STAT4: variants seen among roughly 807,000 people sequenced by gnomAD.
STAT4 encodes the protein signal transducer and activator of transcription 4.
Under a neutral mutation model 110.5 loss-of-function variants are expected in STAT4, and 42 were observed. That is an observed-to-expected ratio of 0.38 (90% CI 0.30 to 0.49). The LOEUF (loss-of-function observed/expected upper bound fraction) is 0.49. STAT4 is among the 20% of genes least tolerant of loss of function. The pLI, the probability that STAT4 is intolerant of heterozygous loss-of-function variation, is 0.95. For missense variants in STAT4, 632 were observed against 887.9 expected (o/e 0.71, Z 3.66); for synonymous variants, 284 against 302.2 (o/e 0.94, Z 0.63).
At chr2:191,074,919 G>C (rs768610163) in intron 4 of STAT4, among the ~76,000 whole-genome samples, 4 of 152,160 alleles carry the variant, frequency 2.6e-5, no homozygotes, top group African/African-American at 9.7e-5. Flanking sequence ...CCAGCACTTT[G>C]GGAGGTCAAG....
chr2:191,136,867 G>C (rs187950641), intron 3 of STAT4, among the ~76,000 whole-genome samples: 1 of 151,970 alleles, frequency 6.6e-6, no homozygotes, highest in East Asian at 1.9e-4. Flanking sequence ...AAAGTTGCAG[G>C]ATACAAAATT....
intron 3 of STAT4, among the ~76,000 whole-genome samples, chr2:191,105,966 C>G (rs1346784853): frequency 6.6e-6 from 1 of 152,114 alleles, no homozygotes; most frequent in East Asian, 1.9e-4. Context: ...ATTGTGGGTG[C>G]CTCACTGGGA....
At chr2:191,092,684 T>C (rs1021837454) in intron 3 of STAT4, among the ~76,000 whole-genome samples, 8 of 152,234 alleles carry the variant, frequency 5.3e-5, no homozygotes, top group Admixed American at 2.0e-4. Flanking sequence ...GTTCATCTCA[T>C]TGGGACTGGT....
chr2:191,146,608 C>G lies in STAT4; in HGVS notation c.273+5G>C. On this transcript the variant is annotated splice_donor_5th_base_variant and intron_variant, in intron 3 of 23. Transcript: ENST00000392320. This position sits in a 1 kb window ranked among gnomAD's most constrained non-coding sequence, Gnocchi z 4.5. Reference sequence around the variant, plus strand: ...ATATTTTGGAAAAGTAGAATGCATTCTTACCTGAAGGACCTTCCTAATTCT... The same window carrying G: ...ATATTTTGGAAAAGTAGAATGCATTGTTACCTGAAGGACCTTCCTAATTCT... 6.6e-7 allele frequency: 1 copy of G among 1,512,176 alleles called. No homozygotes were observed. Among genetic ancestry groups the G allele is most frequent in the Non-Finnish European group, 8.8e-7 (1 of 1,131,886 alleles). 93.7% of individuals were successfully genotyped at this position (1,512,176 alleles called of 1,614,324 possible).
In STAT4 at chr2:191,029,943, C is replaced by T. The variant is rs775103783; in HGVS notation, c.2221-77G>A. ...AATCACTATTTCTTGGGCAAATAAA[C>T]GTCCTCTTTTCTACGAATTACTCCA... On this transcript the variant is annotated intron_variant, in intron 23 of 23. Transcript: ENST00000392320. The surrounding 1 kb of genome is among the most constrained non-coding windows in gnomAD (Gnocchi z 4.5). The T allele has an allele frequency of 1.2e-5, 14 of 1,146,810 alleles. No homozygotes were observed. Among genetic ancestry groups the T allele is most frequent in the Admixed American group, 6.5e-5 (3 of 46,358 alleles). 71.0% of individuals were successfully genotyped at this position (1,146,810 alleles called of 1,614,324 possible). A position where few individuals can be genotyped will look rare whatever the true frequency, so the allele number is the denominator to read the frequency against.
At chr2:191,089,272 A>T (rs12612769) in intron 3 of STAT4, among the ~76,000 whole-genome samples, 9 of 152,094 alleles carry the variant, frequency 5.9e-5, no homozygotes, top group Admixed American at 3.9e-4. Context: ...TCACCAAAGA[A>T]GATATATAGA....
Position 191,082,489 on chromosome 2 carries a change from C to T in STAT4, c.274-6164G>A, listed in dbSNP as rs886200504. On this transcript the variant is annotated intron_variant, in intron 3 of 23. Transcript: ENST00000392320. The surrounding 1 kb of genome is among the most constrained non-coding windows in gnomAD (Gnocchi z 4.7). ...AGTTTCACATCACAGGCAATGACAA[C>T]GATGTTGTGATTGCCACATGGCAAC... Among the ~76,000 whole-genome samples the T allele has an allele frequency of 1.5e-4, 23 of 152,270 alleles. No homozygotes were observed. Among genetic ancestry groups the T allele is most frequent in the Admixed American group, 1.1e-3 (17 of 15,290 alleles).
In STAT4 at chr2:191,140,126, C is replaced by T. The variant is rs1040267680; in HGVS notation, c.273+6487G>A. Reference sequence around the variant, plus strand: ...TGGATCAAAGATTTAAATCTAAGACCTGAAGCCATAAAAATTCTAGAACAT... The same window carrying T: ...TGGATCAAAGATTTAAATCTAAGACTTGAAGCCATAAAAATTCTAGAACAT... On this transcript the variant is annotated intron_variant, in intron 3 of 23. Coordinates refer to ENST00000392320, the MANE Select transcript of STAT4 (RefSeq NM_003151.4). The surrounding 1 kb of genome is among the most constrained non-coding windows in gnomAD (Gnocchi z 4.4). Among the ~76,000 whole-genome samples the T allele has an allele frequency of 6.6e-6, 1 of 152,152 alleles. No homozygotes were observed. Among genetic ancestry groups the T allele is most frequent in the Non-Finnish European group, 1.5e-5 (1 of 68,026 alleles).
rs1696760664 is a variant in STAT4 at position 191,058,340 on chromosome 2, C to G, written c.1095-121G>C. On this transcript the variant is annotated intron_variant, in intron 11 of 23. Transcript: ENST00000392320. The surrounding 1 kb of genome is among the most constrained non-coding windows in gnomAD (Gnocchi z 4.3). ...TGAGACAGAGTCTCGCTCTGTCGTC[C>G]AGGCTGGAGTGCAGTGGTGCAATCT... 1 of 1,012,182 alleles carries G rather than the reference C, an allele frequency of 9.9e-7. No individual in the cohort carries two copies. The highest frequency in any genetic ancestry group is 2.7e-5 in the Admixed American group (1 of 37,672). 62.7% of individuals were successfully genotyped at this position (1,012,182 alleles called of 1,614,324 possible).
In STAT4 at chr2:191,146,559, T is replaced by A; in HGVS notation, c.273+54A>T. On this transcript the variant is annotated intron_variant, in intron 3 of 23. Coordinates refer to ENST00000392320, the MANE Select transcript of STAT4 (RefSeq NM_003151.4). This position sits in a 1 kb window ranked among gnomAD's most constrained non-coding sequence, Gnocchi z 4.5. ...TAAGGGTACATATTTAATTTTTAAC[T>A]AAATTTAAGACTCATATATCCAAAT... 3.0e-6 allele frequency: 4 copies of A among 1,344,420 alleles called. No individual in the cohort carries two copies. Among genetic ancestry groups the A allele is most frequent in the Non-Finnish European group, 3.9e-6 (4 of 1,032,802 alleles). The allele number at this position is 1,344,420 out of a possible 1,614,324, so 83.3% of individuals were successfully genotyped here. A position where few individuals can be genotyped will look rare whatever the true frequency, so the allele number is the denominator to read the frequency against.
Position 191,142,458 on chromosome 2 carries a change from G to C in STAT4, c.273+4155C>G, listed in dbSNP as rs1302092096. ...AATATAGATACCAGAGGCTGGGAAG[G>C]GTGGGTGGATGGAGGGAAATGAAAA... On this transcript the variant is annotated intron_variant, in intron 3 of 23. Coordinates refer to ENST00000392320, the MANE Select transcript of STAT4 (RefSeq NM_003151.4). The surrounding 1 kb of genome is among the most constrained non-coding windows in gnomAD (Gnocchi z 4.1). Among the ~76,000 whole-genome samples the C allele has an allele frequency of 1.3e-5, 2 of 152,108 alleles. No individual in the cohort carries two copies. Among genetic ancestry groups the C allele is most frequent in the African/African-American group, 4.8e-5 (2 of 41,412 alleles).
chr2:191,127,534 G>A (rs2125406894), intron 3 of STAT4, among the ~76,000 whole-genome samples: 1 of 152,272 alleles, frequency 6.6e-6, no homozygotes, highest in African/African-American at 2.4e-5. Context: ...ATTCTAGGTA[G>A]CAAACTCTTT....
In STAT4 at chr2:191,032,939, A is replaced by C; in HGVS notation, c.2044+19T>G. On this transcript the variant is annotated intron_variant, in intron 21 of 23. Transcript: ENST00000392320. The surrounding 1 kb of genome is among the most constrained non-coding windows in gnomAD (Gnocchi z 4.9). Reference sequence around the variant, plus strand: ...AAATCTTAAGGAAAAAAAAACAAAAACAAACAGAAAAACCTAACCTTCGCA... The same window carrying C: ...AAATCTTAAGGAAAAAAAAACAAAACCAAACAGAAAAACCTAACCTTCGCA... 1.3e-6 allele frequency: 2 copies of C among 1,575,706 alleles called. No homozygotes were observed. Among genetic ancestry groups the C allele is most frequent in the Non-Finnish European group, 1.7e-6 (2 of 1,166,706 alleles).
Position 191,109,477 on chromosome 2 carries a change from C to G in STAT4, c.274-33152G>C, listed in dbSNP as rs150228681. 3.3e-5 allele frequency among the ~76,000 whole-genome samples: 5 copies of G among 152,194 alleles called. No individual in the cohort carries two copies. In the East Asian group the frequency reaches 9.7e-4, roughly 29 times the overall value. ...TTCCCACTCTTATCTCATGTAGTCT[C>G]CCTTCAAATAATTCAGAAACATAGA... On this transcript the variant is annotated intron_variant, in intron 3 of 23. Coordinates refer to ENST00000392320, the MANE Select transcript of STAT4 (RefSeq NM_003151.4).
chr2:191,033,816 T>C lies in STAT4; in HGVS notation c.1715+95A>G. The C allele has an allele frequency of 2.2e-6, 3 of 1,359,530 alleles. No individual in the cohort carries two copies. The highest frequency in any genetic ancestry group is 3.0e-6 in the Non-Finnish European group (3 of 990,164). The allele number at this position is 1,359,530 out of a possible 1,614,324, so 84.2% of individuals were successfully genotyped here. Reference sequence around the variant, plus strand: ...TTGCAACTATTTTTTTCTGTGGTACTAAACATGCTTAAGAGAAAAAGAAAG... The same window carrying C: ...TTGCAACTATTTTTTTCTGTGGTACCAAACATGCTTAAGAGAAAAAGAAAG... On this transcript the variant is annotated intron_variant, in intron 19 of 23. Coordinates refer to ENST00000392320, the MANE Select transcript of STAT4 (RefSeq NM_003151.4). This position sits in a 1 kb window ranked among gnomAD's most constrained non-coding sequence, Gnocchi z 6.9.
chr2:191,149,021 A>C (rs1411396313), intron 1 of STAT4, among the ~76,000 whole-genome samples: 1 of 151,958 alleles, frequency 6.6e-6, no homozygotes, highest in Non-Finnish European at 1.5e-5. Flanking sequence ...TTGTAACCCC[A>C]CTCTGGCCAA....
chr2:191,030,420 T>C lies in STAT4; in HGVS notation c.2220+552A>G, dbSNP rs1359410601. On this transcript the variant is annotated intron_variant, in intron 23 of 23. Transcript: ENST00000392320. This position sits in a 1 kb window ranked among gnomAD's most constrained non-coding sequence, Gnocchi z 4.4. ...AATAACATTATTGCATTAAAGATTA[T>C]GACTCATTTCTCAAAAAGGAGAGCA... is the stretch of plus-strand genomic sequence containing the variant. 6.6e-6 allele frequency among the ~76,000 whole-genome samples: 1 copy of C among 152,232 alleles called. No individual in the cohort carries two copies. The highest frequency in any genetic ancestry group is 1.5e-5 in the Non-Finnish European group (1 of 68,052).
At chr2:191,148,423 ACTC>A (rs1404768727) in intron 1 of STAT4, among the ~76,000 whole-genome samples, 9 of 151,752 alleles carry the variant, frequency 5.9e-5, no homozygotes, top group African/African-American at 1.9e-4. Context: ...TCTAAAATGA[ACTC>A]CTGTTCTACC....
chr2:191,034,642 T>C (rs368894302), intron 17 of STAT4, 45 bp from the exon 18 acceptor site: 6 of 1,394,088 alleles, frequency 4.3e-6, no homozygotes, highest in South Asian at 2.3e-5. Flanking sequence ...GACAATGAGA[T>C]GCTTCAATTT....
Sources: allele counts gnomAD v4.1 joint callset (sites outside exome capture counted in the v4.1 genomes callset), GRCh38; gene constraint gnomAD v4.1.1; non-coding constraint Gnocchi (gnomAD v3.1); transcripts MANE v1.5; gene names NCBI Gene and HGNC (gene_info 2026-07-23, HGNC 2026-07-21).